Variants in CIMIP5 observed in about 807,000 individuals in gnomAD.
CIMIP5 encodes uncharacterized protein C2orf50.
chr2:11,153,776 T>C, the CIMIP5 span, among the ~76,000 whole-genome samples: 1 of 151,778 alleles, frequency 6.6e-6, no homozygotes, highest in African/African-American at 2.4e-5. Flanking sequence ...ATACAAAAAT[T>C]AGCCGGGAGT....
the CIMIP5 span, among the ~76,000 whole-genome samples, chr2:11,141,121 C>CTTTTTT: frequency 1.2e-4 from 7 of 60,444 alleles, no homozygotes; most frequent in Non-Finnish European, 1.1e-4. Flanking sequence ...CCACAACACA[C>CTTTTTT]TTTTTTTTTT....
the CIMIP5 span, among the ~76,000 whole-genome samples, chr2:11,150,746 C>G: frequency 1.3e-5 from 2 of 151,892 alleles, no homozygotes; most frequent in African/African-American, 4.8e-5. Flanking sequence ...AACCTGCCTC[C>G]CATTTTAATT....
chr2:11,140,632 A>T, the CIMIP5 span: 1 of 1,127,472 alleles, frequency 8.9e-7, no homozygotes, highest in South Asian at 1.6e-5. Flanking sequence ...CATTTATTGA[A>T]GATCTACTCT....
the CIMIP5 span, among the ~76,000 whole-genome samples, chr2:11,142,912 G>C: frequency 6.6e-6 from 1 of 151,544 alleles, no homozygotes; most frequent in Non-Finnish European, 1.5e-5. Context: ...TGTAGAGACG[G>C]GGTCTCACCA....
chr2:11,133,257 G>A, the CIMIP5 span: 1 of 1,479,708 alleles, frequency 6.8e-7, no homozygotes, highest in South Asian at 1.4e-5. Context: ...TCCAGGAGGA[G>A]GTTTGAGCTG....
At chr2:11,135,010 A>G in the CIMIP5 span, among the ~76,000 whole-genome samples, 1 of 152,128 alleles carries the variant, frequency 6.6e-6, no homozygotes, top group Non-Finnish European at 1.5e-5. Context: ...GGACCAAGAG[A>G]CAGAGAGAGA....
the CIMIP5 span, among the ~76,000 whole-genome samples, chr2:11,151,937 G>A: frequency 6.6e-6 from 1 of 152,254 alleles, no homozygotes; most frequent in Non-Finnish European, 1.5e-5. Flanking sequence ...CTCCGACTGG[G>A]GATGGAAGTT....
At chr2:11,151,036 T>C in the CIMIP5 span, among the ~76,000 whole-genome samples, 6 of 152,168 alleles carry the variant, frequency 3.9e-5, no homozygotes, top group Non-Finnish European at 5.9e-5. Context: ...ACCTACTGTG[T>C]ATGTAAAAAT....
At chr2:11,149,732 A>T in the CIMIP5 span, among the ~76,000 whole-genome samples, 4 of 135,654 alleles carry the variant, frequency 2.9e-5, no homozygotes, top group African/African-American at 8.5e-5. Flanking sequence ...ATTAATTAAA[A>T]TAAAATAAAA....
chr2:11,138,486 A>G, the CIMIP5 span, among the ~76,000 whole-genome samples: 1 of 152,244 alleles, frequency 6.6e-6, no homozygotes. Flanking sequence ...TTCATCTCCC[A>G]TAATAGAAAG....
the CIMIP5 span, among the ~76,000 whole-genome samples, chr2:11,140,086 C>A: frequency 3.2e-3 from 270 of 84,650 alleles, no homozygotes; most frequent in South Asian, 5.8e-3. Context: ...GACTCCCTCT[C>A]AAAAAAAAAA....
At chr2:11,150,139 G>C in the CIMIP5 span, among the ~76,000 whole-genome samples, 11 of 151,648 alleles carry the variant, frequency 7.3e-5, no homozygotes, top group Non-Finnish European at 1.5e-5. Context: ...GTAGAGACGG[G>C]GTTTCACCAT....
chr2:11,154,369 G>GC, the CIMIP5 span, among the ~76,000 whole-genome samples: 1 of 151,962 alleles, frequency 6.6e-6, no homozygotes, highest in Non-Finnish European at 1.5e-5. Flanking sequence ...TCCATAGGCG[G>GC]AGGTGATGGG....
chr2:11,138,034 C>T, the CIMIP5 span, among the ~76,000 whole-genome samples: 31 of 152,164 alleles, frequency 2.0e-4, no homozygotes, highest in South Asian at 3.3e-3. Context: ...TTAGTAGAGA[C>T]GAGGTTTCAC....
the CIMIP5 span, among the ~76,000 whole-genome samples, chr2:11,150,900 T>C: frequency 1.3e-5 from 2 of 152,052 alleles, no homozygotes; most frequent in Non-Finnish European, 2.9e-5. Context: ...AACAAAACTT[T>C]ACCCTGAAAC....
At chr2:11,137,355 CAGAGTG>C in the CIMIP5 span, among the ~76,000 whole-genome samples, 1 of 151,838 alleles carries the variant, frequency 6.6e-6, no homozygotes. Context: ...GCCTGGGTGA[CAGAGTG>C]AGACTCCATC....
chr2:11,133,741 G>T, the CIMIP5 span: 1 of 1,317,306 alleles, frequency 7.6e-7, no homozygotes, highest in Non-Finnish European at 1.0e-6. Context: ...CACCAGCCCA[G>T]CCCAGAGCCA....
the CIMIP5 span, among the ~76,000 whole-genome samples, chr2:11,139,581 T>A: frequency 6.6e-6 from 1 of 152,186 alleles, no homozygotes; most frequent in Non-Finnish European, 1.5e-5. Flanking sequence ...ATGTGAAAAC[T>A]TTTTTCTTCA....
the CIMIP5 span, chr2:11,144,252 G>T: frequency 1.7e-6 from 1 of 600,756 alleles, no homozygotes; most frequent in East Asian, 3.3e-5. Context: ...CTCTTCCAGG[G>T]GACCCAAGGG....
Sources: allele counts gnomAD v4.1 joint callset (sites outside exome capture counted in the v4.1 genomes callset), GRCh38; gene constraint gnomAD v4.1.1; transcripts MANE v1.5; gene names NCBI Gene and HGNC (gene_info 2026-07-23, HGNC 2026-07-21).